The following SLC2A10 variants were observed in gnomAD, a reference collection of about 807,000 sequenced individuals.
SLC2A10 encodes the protein solute carrier family 2 member 10.
In SLC2A10, 25 loss-of-function variants were observed where a neutral mutation model predicts 32.1. That is an observed-to-expected ratio of 0.78 (90% CI 0.57 to 1.09). The LOEUF (loss-of-function observed/expected upper bound fraction) is 1.09, where lower values mean the gene tolerates loss of function less well. Ranked by LOEUF, SLC2A10 falls within the 50% of genes least tolerant of loss-of-function variation. SLC2A10 has a pLI of 0.00. For synonymous variants in SLC2A10, 332 were observed against 309.6 expected, an observed-to-expected ratio of 1.07 and a Z score of -0.76; for missense variants, 673 against 686.5, an observed-to-expected ratio of 0.98 and a Z score of 0.22.
chr20:46,713,351 G>C (rs1979041098), intron 1 of SLC2A10, among the ~76,000 whole-genome samples: 1 of 151,978 alleles, frequency 6.6e-6, no homozygotes, highest in Non-Finnish European at 1.5e-5. Flanking sequence ...ATTTTAGGTA[G>C]AAGGCCAGGG....
rs976862629 is a variant in SLC2A10, at chr20:46,725,327, C to T, written c.291C>T (p.Ser97=). 1 of 1,614,096 alleles carries T rather than the reference C, an allele frequency of 6.2e-7. No homozygotes were observed. The highest frequency in any genetic ancestry group is 8.5e-7 in the Non-Finnish European group (1 of 1,180,026). Residue 97 remains serine, a synonymous_variant, in exon 2 of 5, where the codon TCC becomes TCT. Coordinates refer to ENST00000359271, the MANE Select transcript of SLC2A10 (RefSeq NM_030777.4). ...AGSLTLGLAG[S]LAWLVLGRAV... ...GCCTGACCCTGGGCCTGGCTGGTTC[C>T]CTGGCCTGGCTGGTCCTGGGCCGCG...
At chr20:46,712,411 C>A (rs1425631783) in intron 1 of SLC2A10, among the ~76,000 whole-genome samples, 3 of 152,042 alleles carry the variant, frequency 2.0e-5, no homozygotes, top group African/African-American at 7.2e-5. Flanking sequence ...AACCAGGGTT[C>A]TCCCCCCTCC....
At position 46,726,023 on chromosome 20, in the gene SLC2A10, T is replaced by A; in HGVS notation, c.987T>A (p.Cys329Ter). 1 of 1,614,106 alleles carries A rather than the reference T, an allele frequency of 6.2e-7. No individual in the cohort carries two copies. Among genetic ancestry groups the A allele is most frequent in the Non-Finnish European group, 8.5e-7 (1 of 1,180,044 alleles). ...FAVPMDSGPSCLAVPNATGQT... is the reference protein window; with the variant it reads ...FAVPMDSGPS ...TGCCCATGGACTCAGGCCCAAGCTG[T>A]CTGGCTGTGCCCAATGCCACCGGGC... The change falls in exon 2 of 5, where the codon TGT (cysteine) becomes TGA (stop). Residue 329 changes from cysteine (C) to a stop codon, truncating the protein, a stop_gained. Coordinates refer to ENST00000359271, the MANE Select transcript of SLC2A10 (RefSeq NM_030777.4). LOFTEE classifies it high-confidence loss of function.
intron 3 of SLC2A10, among the ~76,000 whole-genome samples, chr20:46,728,188 C>T (rs1980080973): frequency 6.6e-6 from 1 of 152,144 alleles, no homozygotes; most frequent in Non-Finnish European, 1.5e-5. Flanking sequence ...TACATCCTTA[C>T]CCCGTCCAGC....
At chr20:46,712,776 C>T (rs2122998747) in intron 1 of SLC2A10, among the ~76,000 whole-genome samples, 1 of 151,456 alleles carries the variant, frequency 6.6e-6, no homozygotes, top group East Asian at 2.0e-4. Flanking sequence ...ACCTCAGCCT[C>T]CCAAGTAGCT....
intron 1 of SLC2A10, among the ~76,000 whole-genome samples, chr20:46,721,117 C>A (rs1455520612): frequency 6.6e-6 from 1 of 152,130 alleles, no homozygotes; most frequent in Admixed American, 6.5e-5. Flanking sequence ...GTGGAAATTG[C>A]TCAAGGTTTA....
At chr20:46,710,934 C>T (rs1157869718) in intron 1 of SLC2A10, among the ~76,000 whole-genome samples, 1 of 151,684 alleles carries the variant, frequency 6.6e-6, no homozygotes, top group African/African-American at 2.4e-5. Context: ...AGTGCAGTGG[C>T]GTGATCCCGC....
Position 46,728,612 on chromosome 20 carries a change from T to G in SLC2A10, c.1412-741T>G, listed in dbSNP as rs1034884240. On this transcript the variant is annotated intron_variant, in intron 3 of 4. Transcript: ENST00000359271. ...ATGGAATTTCTGGGTGTGTTTTTTT[T>G]TTTTTTTTTTTTTTTTGAAACAGGG... is the stretch of plus-strand genomic sequence containing the variant. Among the ~76,000 whole-genome samples the G allele has an allele frequency of 5.4e-5, 8 of 147,020 alleles. 1 individual carries two copies. Among genetic ancestry groups the G allele is most frequent in the South Asian group, 2.2e-4 (1 of 4,476 alleles).
chr20:46,734,824 G>C lies in SLC2A10; in HGVS notation c.*990G>C, dbSNP rs1477196174. The C allele has an allele frequency of 1.3e-5, 2 of 152,524 alleles. No homozygotes were observed. Among genetic ancestry groups the C allele is most frequent in the Non-Finnish European group, 2.9e-5 (2 of 67,998 alleles). 9.4% of individuals were successfully genotyped at this position (152,524 alleles called of 1,614,324 possible). On this transcript the variant is annotated 3_prime_UTR_variant, in exon 5 of 5. Transcript: ENST00000359271. ...AGGAGCTGTCTCCAGGATGGTGCAG[G>C]ATGGCTTTGCGGAAAGGAGATGGGT...
upstream of SLC2A10, among the ~76,000 whole-genome samples, chr20:46,708,563 T>C (rs534014068): frequency 3.3e-5 from 5 of 152,220 alleles, no homozygotes; most frequent in Non-Finnish European, 5.9e-5. Context: ...TGTAAGTTCT[T>C]ACGGAGCATA....
chr20:46,716,196 A>G (rs994134984), intron 1 of SLC2A10, among the ~76,000 whole-genome samples: 3 of 148,870 alleles, frequency 2.0e-5, no homozygotes, highest in Non-Finnish European at 4.4e-5. Flanking sequence ...TCTGTTGTCC[A>G]GGCTGGAGTG....
chr20:46,724,476 A>G (rs1354847028), intron 1 of SLC2A10, among the ~76,000 whole-genome samples: 1 of 152,172 alleles, frequency 6.6e-6, no homozygotes, highest in Non-Finnish European at 1.5e-5. Flanking sequence ...ATAAATGGAC[A>G]TGCAGATGGA....
chr20:46,721,793 T>C (rs1979569107), intron 1 of SLC2A10, among the ~76,000 whole-genome samples: 1 of 152,250 alleles, frequency 6.6e-6, no homozygotes. Flanking sequence ...ATGTAGTTCT[T>C]TTTTCTTGTC....
At chr20:46,718,972 G>A (rs1769762872) in intron 1 of SLC2A10, among the ~76,000 whole-genome samples, 1 of 152,158 alleles carries the variant, frequency 6.6e-6, no homozygotes, top group African/African-American at 2.4e-5. Context: ...TGTAGAGGTG[G>A]TGTCTCACTA....
At chr20:46,729,995 A>G (rs953040283) in intron 4 of SLC2A10, among the ~76,000 whole-genome samples, 4 of 152,070 alleles carry the variant, frequency 2.6e-5, no homozygotes, top group Non-Finnish European at 5.9e-5. Flanking sequence ...GTCTCCCTAC[A>G]GTGCCTTTTC....
Position 46,726,051 on chromosome 20 carries a change from A to G in SLC2A10, c.1015A>G (p.Thr339Ala). 1 of 1,614,184 alleles carries G rather than the reference A, an allele frequency of 6.2e-7. No individual in the cohort carries two copies. The highest frequency in any genetic ancestry group is 8.5e-7 in the Non-Finnish European group (1 of 1,180,036). Residue 339 changes from threonine (T) to alanine (A), a missense_variant, in exon 2 of 5, where the codon ACA becomes GCA. Physicochemically the swap from Thr to Ala is moderately conservative, Grantham distance 58 (BLOSUM62 0). Coordinates refer to ENST00000359271, the MANE Select transcript of SLC2A10 (RefSeq NM_030777.4). The stretch of plus-strand genomic sequence containing the variant: ...GGCTGTGCCCAATGCCACCGGGCAG[A>G]CAGGCCTCCCTGGAGACTCTGGCCT... The part of the protein sequence containing the change: ...CLAVPNATGQ[T>A]GLPGDSGLLQ...
At chr20:46,732,403 G>C (rs1467303509) in intron 4 of SLC2A10, among the ~76,000 whole-genome samples, 1 of 152,162 alleles carries the variant, frequency 6.6e-6, no homozygotes, top group Non-Finnish European at 1.5e-5. Context: ...TCTGGGGACA[G>C]ACCCATGACC....
At chr20:46,716,915 C>T (rs1600659344) in intron 1 of SLC2A10, among the ~76,000 whole-genome samples, 2 of 151,872 alleles carry the variant, frequency 1.3e-5, no homozygotes, top group South Asian at 2.1e-4. Flanking sequence ...CCCAGCTACT[C>T]GGGAGGCTGA....
At chr20:46,728,230 T>A (rs914967100) in intron 3 of SLC2A10, among the ~76,000 whole-genome samples, 1 of 152,168 alleles carries the variant, frequency 6.6e-6, no homozygotes, top group African/African-American at 2.4e-5. Flanking sequence ...CCAGCCCCAC[T>A]GCCTTCCAGC....
Sources: gnomAD v4.1 joint callset for allele counts (sites outside exome capture counted in the v4.1 genomes callset) on GRCh38, gnomAD v4.1.1 for gene constraint, MANE v1.5 for transcripts, NCBI Gene and HGNC (gene_info 2026-07-23, HGNC 2026-07-21) for gene names.